The following ACAT1 variants were observed in gnomAD, a reference collection of about 807,000 sequenced individuals.
The protein encoded by ACAT1 is acetyl-CoA acetyltransferase, mitochondrial.
ACAT1 carries 28 observed loss-of-function variants against 47.3 expected under a neutral mutation model. The observed-to-expected ratio is 0.59, with a 90% confidence interval of 0.44 to 0.81. The LOEUF (loss-of-function observed/expected upper bound fraction) is 0.81. Ranked by LOEUF, ACAT1 falls within the 30% of genes least tolerant of loss-of-function variation. The pLI is 0.00. For synonymous variants in ACAT1, 181 were observed against 173.6 expected, an observed-to-expected ratio of 1.04 and a Z score of -0.34; for missense variants, 469 against 524.3, an observed-to-expected ratio of 0.89 and a Z score of 1.03.
At chr11:108,121,546 G>C, upstream of ACAT1, 5 of 1,518,498 alleles carry the variant, frequency 3.3e-6, no homozygotes, top group Non-Finnish European at 4.5e-6. Flanking sequence ...CTAGGGGTGC[G>C]GGGTTGGGGA....
At position 108,147,066 on chromosome 11, in the gene ACAT1, G is replaced by A. The variant is rs546678315; in HGVS notation, c.1164-204G>A. The stretch of plus-strand genomic sequence containing the variant: ...TTGCACTCCAGCCTGGCGACAGAGC[G>A]AGACTCCATCTCAAAAAATGATCTA... On this transcript the variant is annotated intron_variant, in intron 11 of 11. Transcript: ENST00000265838. Among the ~76,000 whole-genome samples the A allele has an allele frequency of 4.6e-5, 7 of 152,248 alleles. No homozygotes were observed. The South Asian group carries it at 6.2e-4, about 14-fold the overall frequency.
intron 3 of ACAT1, 52 bp from the exon 4 acceptor site, chr11:108,134,169 G>A (rs2077415809): frequency 1.3e-6 from 2 of 1,487,620 alleles, no homozygotes; most frequent in African/African-American, 2.8e-5. Flanking sequence ...GGTAATCACT[G>A]ATTATTAAAT....
intron 5 of ACAT1, among the ~76,000 whole-genome samples, chr11:108,135,634 G>C (rs1017666346): frequency 6.6e-6 from 1 of 151,878 alleles, no homozygotes; most frequent in Non-Finnish European, 1.5e-5. Flanking sequence ...TGAGGCTGGG[G>C]GCAGATCACA....
intron 7 of ACAT1, 88 bp downstream of exon 7, chr11:108,140,303 G>T (rs186205984): frequency 1.3e-5 from 20 of 1,512,366 alleles, no homozygotes; most frequent in Non-Finnish European, 1.7e-5. Flanking sequence ...CATTATCTTG[G>T]TTCATTTCAA....
rs748623753 is a variant in ACAT1, at chr11:108,142,495, C to T, written c.885C>T (p.Leu295=). 1.9e-6 allele frequency: 3 copies of T among 1,614,178 alleles called. No homozygotes were observed. Among genetic ancestry groups the T allele is most frequent in the Non-Finnish European group, 2.5e-6 (3 of 1,180,034 alleles). ...ATGATGGAGCAGCTGCTCTGGTTCT[C>T]ATGACGGCAGATGCAGCGAAGAGGC... is the stretch of plus-strand genomic sequence containing the variant. ...TLNDGAAALV[L]MTADAAKRLN... The change falls in exon 9 of 12, where the codon CTC becomes CTT. Residue 295 remains leucine, a synonymous_variant. Coordinates refer to ENST00000265838, the MANE Select transcript of ACAT1 (RefSeq NM_000019.4).
chr11:108,138,454 T>C (rs1024302655), intron 5 of ACAT1, among the ~76,000 whole-genome samples: 2 of 151,584 alleles, frequency 1.3e-5, no homozygotes, highest in African/African-American at 4.9e-5. Flanking sequence ...TGGAGTGCAG[T>C]GGCACAATCT....
At chr11:108,124,022 C>T (rs192101547) in intron 1 of ACAT1, among the ~76,000 whole-genome samples, 5 of 152,322 alleles carry the variant, frequency 3.3e-5, no homozygotes, top group African/African-American at 9.6e-5. Flanking sequence ...TTACTGTAGG[C>T]TGACCAATAT....
chr11:108,117,392 C>G (rs1273904761), upstream of ACAT1, among the ~76,000 whole-genome samples: 2 of 151,774 alleles, frequency 1.3e-5, no homozygotes, highest in Non-Finnish European at 2.9e-5. Flanking sequence ...ACTGCAACCT[C>G]CACCTCCTGG....
Position 108,140,102 on chromosome 11 carries a change from T to A in ACAT1, c.617T>A (p.Ile206Asn). Residue 206 changes from isoleucine to asparagine, a missense_variant, in exon 7 of 12, where the codon ATT becomes AAT. Coordinates refer to ENST00000265838, the MANE Select transcript of ACAT1 (RefSeq NM_000019.4). The stretch of plus-strand genomic sequence containing the variant: ...GAGAATACAGCAAAGAAGCTGAATA[T>A]TGCACGAAATGAACAGGACGCTTAT... Reference protein sequence around the residue: ...CAENTAKKLNIARNEQDAYAI... With the variant: ...CAENTAKKLNNARNEQDAYAI... 6.2e-7 allele frequency: 1 copy of A among 1,614,130 alleles called. No homozygotes were observed. The highest frequency in any genetic ancestry group is 1.3e-5 in the African/African-American group (1 of 75,052).
intron 1 of ACAT1, chr11:108,122,057 C>T (rs901277152): frequency 5.6e-5 from 18 of 323,536 alleles, no homozygotes; most frequent in African/African-American, 3.6e-4. Flanking sequence ...TTCTTTAAAA[C>T]ATATTTGTGT....
chr11:108,141,049 G>A (rs116378074), intron 7 of ACAT1, among the ~76,000 whole-genome samples: 1,624 of 152,070 alleles, frequency 0.011, 37 homozygotes, highest in African/African-American at 0.037. Context: ...AACGAAGTGA[G>A]ACTTGGCCTC....
Position 108,140,131 on chromosome 11 carries a change from A to G in ACAT1, c.646A>G (p.Ile216Val), listed in dbSNP as rs1229939136. Reference protein sequence around the residue: ...IARNEQDAYAINSYTRSKAAW... With the variant: ...IARNEQDAYAVNSYTRSKAAW... ...ACGAAATGAACAGGACGCTTATGCT[A>G]TTAATTCTTATACCAGAAGTAAAGC... The change falls in exon 7 of 12, where the codon ATT becomes GTT. Residue 216 changes from isoleucine to valine, a missense_variant. Ile to Val is a conservative substitution (Grantham distance 29, BLOSUM62 3). Transcript: ENST00000265838. 1 of 1,614,040 alleles carries G rather than the reference A, an allele frequency of 6.2e-7. No individual in the cohort carries two copies. The highest frequency in any genetic ancestry group is 1.7e-5 in the Admixed American group (1 of 60,012).
intron 2 of ACAT1, 48 bp downstream of exon 2, chr11:108,132,002 T>C (rs1345924709): frequency 2.4e-6 from 3 of 1,243,236 alleles, no homozygotes. Flanking sequence ...TTAAAGGAAA[T>C]GTCAATAAAA....
At chr11:108,141,793 A>AAACATCTAAATGTTAAAT in intron 8 of ACAT1, 93 bp downstream of exon 8, 1 of 711,498 alleles carries the variant, frequency 1.4e-6, no homozygotes, top group Non-Finnish European at 2.4e-6. Flanking sequence ...AAATTCTAGA[A>AAACATCTAAATGTTAAAT]AACATCTAGA....
intron 11 of ACAT1, 95 bp from the exon 12 acceptor site, chr11:108,147,175 G>C: frequency 1.4e-6 from 2 of 1,453,140 alleles, no homozygotes; most frequent in South Asian, 2.4e-5. Flanking sequence ...GTAGTGGCTA[G>C]TAAGGTTTTC....
chr11:108,140,505 C>T (rs2077564364), intron 7 of ACAT1, among the ~76,000 whole-genome samples: 1 of 152,172 alleles, frequency 6.6e-6, no homozygotes, highest in Non-Finnish European at 1.5e-5. Context: ...TAGAAGGTTA[C>T]CGGGAGTGCC....
At chr11:108,131,276 T>G (rs1024569763) in intron 1 of ACAT1, among the ~76,000 whole-genome samples, 1 of 151,394 alleles carries the variant, frequency 6.6e-6, no homozygotes, top group Non-Finnish European at 1.5e-5. Flanking sequence ...TCTTGTTAGA[T>G]TCTAAGACTA....
chr11:108,146,253 A>AAT lies in ACAT1; in HGVS notation c.1058_1059dup (p.Glu354MetfsTer9), dbSNP rs1400020261. The AAT allele has an allele frequency of 6.2e-7, 1 of 1,613,818 alleles. No individual in the cohort carries two copies. The highest frequency in any genetic ancestry group is 1.7e-5 in the Admixed American group (1 of 60,026). The stretch of plus-strand genomic sequence containing the variant: ...AGAAGATATTGCAATGTGGGAAGTA[A>AAT]ATGAAGCCTTTAGTCTGGTTGTACT... On this transcript the variant is annotated frameshift_variant, in exon 11 of 12. Coordinates refer to ENST00000265838, the MANE Select transcript of ACAT1 (RefSeq NM_000019.4). LOFTEE classifies it high-confidence loss of function.
intron 5 of ACAT1, chr11:108,136,086 G>A: frequency 1.4e-6 from 1 of 700,114 alleles, no homozygotes; most frequent in South Asian, 1.6e-5. Flanking sequence ...CAAGAGACAG[G>A]CTCCTTAGCA....
Sources: gnomAD v4.1 joint callset for allele counts (sites outside exome capture counted in the v4.1 genomes callset) on GRCh38, gnomAD v4.1.1 for gene constraint, MANE v1.5 for transcripts, NCBI Gene and HGNC (gene_info 2026-07-23, HGNC 2026-07-21) for gene names.